TSHB: variants seen among roughly 807,000 people sequenced by gnomAD.
TSHB encodes thyrotropin subunit beta.
Under a neutral mutation model 9.3 loss-of-function variants are expected in TSHB, and 9 were observed. The observed-to-expected ratio is 0.97, with a 90% CI of 0.58 to 1.69. TSHB has a LOEUF of 1.69. TSHB is among the 40% of genes most tolerant of loss of function. The pLI, the probability that TSHB is intolerant of heterozygous loss-of-function variation, is 0.00. For synonymous variants in TSHB, 57 were observed against 57.2 expected (o/e 1.00, Z 0.01); for missense variants, 182 against 168.5 (o/e 1.08, Z -0.44).
intron 1 of TSHB, among the ~76,000 whole-genome samples, chr1:115,032,859 A>G (rs1674923912): frequency 6.6e-6 from 1 of 152,030 alleles, no homozygotes; most frequent in African/African-American, 2.4e-5. Context: ...TTCATCACGC[A>G]GGCTCTATTG....
chr1:115,033,332 A>G (rs763009083), intron 1 of TSHB, 30 bp from the exon 2 acceptor site: 11 of 1,611,386 alleles, frequency 6.8e-6, no homozygotes, highest in Non-Finnish European at 9.3e-6. Context: ...ATTTTAACAA[A>G]TAGGTTCTTT....
chr1:115,034,019 A>T lies in TSHB; in HGVS notation c.209A>T (p.Asp70Val). 2 of 1,613,752 alleles carry T rather than the reference A, an allele frequency of 1.2e-6. No homozygotes were observed. The highest frequency in any genetic ancestry group is 1.7e-6 in the Non-Finnish European group (2 of 1,179,728). Residue 70 changes from aspartate (D) to valine (V), a missense_variant, in exon 3 of 3, where the codon GAT (aspartate) becomes GTT (valine). By Grantham distance (152) the Asp-to-Val change is radical (BLOSUM62 -3). Transcript: ENST00000256592. Reference protein sequence around the residue: ...LFLPKYALSQDVCTYRDFIYR... With the variant: ...LFLPKYALSQVVCTYRDFIYR... Reference sequence around the variant, plus strand: ...CTTCCCAAATATGCTCTGTCCCAGGATGTTTGCACATATAGAGACTTCATC... The same window carrying T: ...CTTCCCAAATATGCTCTGTCCCAGGTTGTTTGCACATATAGAGACTTCATC...
At chr1:115,033,552 C>T (rs780156171) in intron 2 of TSHB, 28 bp downstream of exon 2, 1 of 1,595,954 alleles carries the variant, frequency 6.3e-7, no homozygotes, top group Non-Finnish European at 8.6e-7. Flanking sequence ...CTTCTTTTGG[C>T]TGTAAATTAT....
At chr1:115,033,674 A>C in intron 2 of TSHB, 150 bp downstream of exon 2, 1 of 819,358 alleles carries the variant, frequency 1.2e-6, no homozygotes, top group South Asian at 1.5e-5. Flanking sequence ...CACAGGTTAC[A>C]ATATTATGTG....
intron 1 of TSHB, among the ~76,000 whole-genome samples, chr1:115,033,053 C>T (rs1332618030): frequency 6.7e-6 from 1 of 150,242 alleles, no homozygotes; most frequent in African/African-American, 2.5e-5. Context: ...AATTACATAC[C>T]TGTTCTGTGT....
intron 1 of TSHB, among the ~76,000 whole-genome samples, chr1:115,032,087 A>G (rs1674905040): frequency 1.3e-5 from 2 of 152,034 alleles, no homozygotes; most frequent in Non-Finnish European, 2.9e-5. Flanking sequence ...CTGGACAGTC[A>G]GCCCTTTAGG....
intron 1 of TSHB, among the ~76,000 whole-genome samples, chr1:115,032,128 G>T (rs1177366468): frequency 6.6e-6 from 1 of 151,956 alleles, no homozygotes; most frequent in Non-Finnish European, 1.5e-5. Context: ...GTTTGTGTTT[G>T]TCAGTGCCTG....
intron 1 of TSHB, 55 bp from the exon 2 acceptor site, chr1:115,033,307 T>C: frequency 6.4e-7 from 1 of 1,566,136 alleles, no homozygotes; most frequent in East Asian, 2.2e-5. Flanking sequence ...TTTCTTGGTT[T>C]CTTTGCCCTT....
At position 115,034,030 on chromosome 1, in the gene TSHB, T is replaced by C; in HGVS notation, c.220T>C (p.Tyr74His). 1.2e-6 allele frequency: 2 copies of C among 1,613,828 alleles called. No individual in the cohort carries two copies. The highest frequency in any genetic ancestry group is 1.7e-6 in the Non-Finnish European group (2 of 1,179,772). ...KYALSQDVCT[Y>H]RDFIYRTVEI... ...TGCTCTGTCCCAGGATGTTTGCACA[T>C]ATAGAGACTTCATCTACAGGACTGT... Residue 74 changes from tyrosine (Y) to histidine (H), a missense_variant, in exon 3 of 3, where the codon TAT (tyrosine) becomes CAT (histidine). Physicochemically the swap from Tyr to His is moderately conservative, Grantham distance 83. Transcript: ENST00000256592.
At chr1:115,030,929 G>T (rs1003693306) in intron 1 of TSHB, among the ~76,000 whole-genome samples, 3 of 151,880 alleles carry the variant, frequency 2.0e-5, no homozygotes, top group African/African-American at 7.3e-5. Flanking sequence ...AAAAATGAAG[G>T]CACAAAGATA....
chr1:115,031,825 C>G (rs1315731825), intron 1 of TSHB, among the ~76,000 whole-genome samples: 2 of 151,930 alleles, frequency 1.3e-5, no homozygotes, highest in Non-Finnish European at 1.5e-5. Context: ...AACTCAAATA[C>G]CAAACAAACC....
Position 115,034,100 on chromosome 1 carries a change from A to G in TSHB, c.290A>G (p.Tyr97Cys), listed in dbSNP as rs777736814. The G allele has an allele frequency of 5.6e-6, 9 of 1,613,750 alleles. No homozygotes were observed. The South Asian group carries it at 7.7e-5, about 14-fold the overall frequency. ...CPLHVAPYFS[Y>C]PVALSCKCGK... The stretch of plus-strand genomic sequence containing the variant: ...CTCCATGTTGCTCCCTATTTTTCCT[A>G]TCCTGTTGCTTTAAGCTGTAAGTGT... Residue 97 changes from tyrosine to cysteine, a missense_variant, in exon 3 of 3, where the codon TAT becomes TGT. By Grantham distance (194) the Tyr-to-Cys change is radical. Transcript: ENST00000256592.
intron 1 of TSHB, among the ~76,000 whole-genome samples, chr1:115,031,207 C>T (rs968942559): frequency 1.3e-5 from 2 of 151,970 alleles, no homozygotes; most frequent in African/African-American, 4.8e-5. Flanking sequence ...TTCTTTATGC[C>T]CACAAAGTTG....
intron 1 of TSHB, among the ~76,000 whole-genome samples, chr1:115,032,666 C>T (rs1198671304): frequency 2.0e-5 from 3 of 151,858 alleles, no homozygotes; most frequent in Non-Finnish European, 4.4e-5. Flanking sequence ...TTTAATTACC[C>T]TTCCTCAGTA....
At position 115,033,963 on chromosome 1, in the gene TSHB, C is replaced by G; in HGVS notation, c.163-10C>G. On this transcript the variant is annotated splice_polypyrimidine_tract_variant and intron_variant, in intron 2 of 2. Transcript: ENST00000256592. ...GTCACATTATGCTCTCTTTTCTGTT[C>G]TTTCCCCAGGATATCAATGGCAAAC... 1.9e-6 allele frequency: 3 copies of G among 1,612,866 alleles called. No homozygotes were observed. The highest frequency in any genetic ancestry group is 2.5e-6 in the Non-Finnish European group (3 of 1,179,568).
intron 1 of TSHB, among the ~76,000 whole-genome samples, chr1:115,031,007 T>A (rs1557869399): frequency 6.8e-6 from 1 of 147,662 alleles, no homozygotes; most frequent in Non-Finnish European, 1.5e-5. Context: ...TAACTCTTAA[T>A]CAATCAATCA....
chr1:115,033,213 CT>C (rs1473196419), intron 1 of TSHB, 148 bp from the exon 2 acceptor site: 3 of 741,132 alleles, frequency 4.0e-6, no homozygotes, highest in African/African-American at 3.5e-5. Context: ...TGGACTTTAT[CT>C]TTCTGGTGTC....
chr1:115,030,873 C>T (rs1045429569), intron 1 of TSHB, among the ~76,000 whole-genome samples: 2 of 151,972 alleles, frequency 1.3e-5, no homozygotes, highest in Admixed American at 1.3e-4. Flanking sequence ...AAGTGTTTCA[C>T]ATGTATTGTT....
In TSHB at chr1:115,033,539, T is replaced by C. The variant is rs1466270206; in HGVS notation, c.162+15T>C. ...GTATGACACGGGTATGTAGTTCATG[T>C]CACTTCTTTTGGCTGTAAATTATAT... is the stretch of plus-strand genomic sequence containing the variant. On this transcript the variant is annotated intron_variant, in intron 2 of 2. Coordinates refer to ENST00000256592, the MANE Select transcript of TSHB (RefSeq NM_000549.5). The C allele has an allele frequency of 2.5e-6, 4 of 1,609,724 alleles. No individual in the cohort carries two copies. Among genetic ancestry groups the C allele is most frequent in the Admixed American group, 1.7e-5 (1 of 59,994 alleles).
Sources: allele counts gnomAD v4.1 joint callset (sites outside exome capture counted in the v4.1 genomes callset), GRCh38; gene constraint gnomAD v4.1.1; transcripts MANE v1.5; gene names NCBI Gene and HGNC (gene_info 2026-07-23, HGNC 2026-07-21).